The following SENP7 variants were observed in gnomAD, a reference collection of about 807,000 sequenced individuals.
SENP7 encodes sentrin-specific protease 7.
SENP7 carries 64 observed loss-of-function variants against 141.2 expected under a neutral mutation model. That is an observed-to-expected ratio of 0.45 (90% CI 0.37 to 0.56). The LOEUF (loss-of-function observed/expected upper bound fraction) is 0.56, where lower values mean the gene tolerates loss of function less well. SENP7 is among the 20% of genes least tolerant of loss of function. The pLI is 0.00. For synonymous variants in SENP7, 382 were observed against 426.4 expected, an observed-to-expected ratio of 0.90 and a Z score of 1.28; for missense variants, 1,025 against 1,212.2, an observed-to-expected ratio of 0.85 and a Z score of 2.29.
intron 2 of SENP7, 44 bp downstream of exon 2, chr3:101,501,026 A>C (rs574638424): frequency 1.6e-6 from 2 of 1,264,780 alleles, no homozygotes; most frequent in South Asian, 1.3e-5. Flanking sequence ...TTTCAATATC[A>C]GTAACTCCAA....
intron 4 of SENP7, among the ~76,000 whole-genome samples, chr3:101,429,183 T>C (rs1243126628): frequency 6.7e-6 from 1 of 149,574 alleles, no homozygotes; most frequent in Non-Finnish European, 1.5e-5. Flanking sequence ...GGCTCTTTTT[T>C]GGTTCCATAC....
Position 101,340,357 on chromosome 3 carries a change from A to G in SENP7, c.2241-146T>C, listed in dbSNP as rs905341984. On this transcript the variant is annotated intron_variant, in intron 15 of 23. Transcript: ENST00000394095. ...AACATTTGACCAGGCATAAATAATG[A>G]TATTTTCCTTCCTTTATCCTCACAA... is the stretch of plus-strand genomic sequence containing the variant. 48 of 999,946 alleles carry G rather than the reference A, an allele frequency of 4.8e-5. No individual in the cohort carries two copies. In the African/African-American group the frequency reaches 7.8e-4, roughly 16 times the overall value. The allele number at this position is 999,946 out of a possible 1,614,324, so 61.9% of individuals were successfully genotyped here. A position where few individuals can be genotyped will look rare whatever the true frequency, so the allele number is the denominator to read the frequency against.
intron 16 of SENP7, among the ~76,000 whole-genome samples, 175 bp downstream of exon 16, chr3:101,339,920 A>T (rs1355384678): frequency 1.3e-5 from 2 of 152,228 alleles, no homozygotes; most frequent in Non-Finnish European, 2.9e-5. Flanking sequence ...TAAGTAAAGC[A>T]ATGAAACTGA....
chr3:101,398,749 T>C (rs2061044882), intron 6 of SENP7, 112 bp downstream of exon 6: 4 of 761,444 alleles, frequency 5.3e-6, no homozygotes, highest in Non-Finnish European at 7.9e-6. Flanking sequence ...TAATACCAGC[T>C]ATCAGAGCAC....
chr3:101,357,848 ATG>A (rs2059784783), intron 11 of SENP7: 2 of 563,288 alleles, frequency 3.6e-6, no homozygotes, highest in Non-Finnish European at 6.6e-6. Flanking sequence ...AACGCTACAG[ATG>A]TGAAGAATCT....
chr3:101,345,568 T>G (rs1327945421), intron 13 of SENP7, among the ~76,000 whole-genome samples: 1 of 152,228 alleles, frequency 6.6e-6, no homozygotes, highest in Non-Finnish European at 1.5e-5. Context: ...GCAGAGCTAC[T>G]GATTTGTGTA....
chr3:101,506,106 C>T (rs998320693), intron 1 of SENP7, among the ~76,000 whole-genome samples: 16 of 151,176 alleles, frequency 1.1e-4, no homozygotes, highest in Non-Finnish European at 2.1e-4. Flanking sequence ...CTGCAACCTC[C>T]ACCTCCCAGG....
rs112395484 is a variant in SENP7 at position 101,493,893 on chromosome 3, G to A, written c.166C>T (p.Arg56Cys). 21 of 1,603,714 alleles carry A rather than the reference G, an allele frequency of 1.3e-5. No individual in the cohort carries two copies. Among genetic ancestry groups the A allele is most frequent in the African/African-American group, 8.0e-5 (6 of 74,864 alleles). Residue 56 changes from arginine (R) to cysteine (C), a missense_variant, in exon 3 of 24, where the codon CGC becomes TGC. Coordinates refer to ENST00000394095, the MANE Select transcript of SENP7 (RefSeq NM_020654.5). Reference sequence around the variant, plus strand: ...ACCACCTGCAAAGGGAGAGTCCAGCGTTCTGAGCTTCTGAATTTGGACAGT... The same window carrying A: ...ACCACCTGCAAAGGGAGAGTCCAGCATTCTGAGCTTCTGAATTTGGACAGT... ...SPLSKFRSSE[R>C]WTLPLQWERS... is the part of the protein sequence containing the mutation.
At chr3:101,353,938 T>TTTA (rs1016772644) in intron 11 of SENP7, among the ~76,000 whole-genome samples, 1 of 152,028 alleles carries the variant, frequency 6.6e-6, no homozygotes, top group Non-Finnish European at 1.5e-5. Flanking sequence ...AATTCTCTAA[T>TTTA]ATCTTTACCC....
At chr3:101,458,736 C>T (rs936222424) in intron 4 of SENP7, 7 of 383,518 alleles carry the variant, frequency 1.8e-5, no homozygotes, top group East Asian at 1.3e-4. Flanking sequence ...GCATTATCAG[C>T]GAAAGCTTAT....
chr3:101,370,511 A>G (rs1403497143), intron 7 of SENP7, among the ~76,000 whole-genome samples: 1 of 152,212 alleles, frequency 6.6e-6, no homozygotes, highest in Non-Finnish European at 1.5e-5. Flanking sequence ...TCTCCTGTAT[A>G]GTTTAAATAA....
intron 6 of SENP7, among the ~76,000 whole-genome samples, chr3:101,390,219 CA>C (rs563281627): frequency 0.037 from 2,715 of 73,826 alleles, 17 homozygotes; most frequent in Middle Eastern, 0.053. Context: ...GACTCTGTCT[CA>C]AAAAAAAAAA....
intron 4 of SENP7, among the ~76,000 whole-genome samples, chr3:101,447,454 T>C (rs2062939662): frequency 6.6e-6 from 1 of 151,766 alleles, no homozygotes; most frequent in South Asian, 2.1e-4. Context: ...AAAAAATAAA[T>C]AAATACAAAT....
Position 101,438,982 on chromosome 3 carries a change from C to T in SENP7, c.284+19973G>A, listed in dbSNP as rs527402338. Among the ~76,000 whole-genome samples the T allele has an allele frequency of 1.7e-4, 24 of 138,624 alleles. 1 individual carries two copies. Among genetic ancestry groups the T allele is most frequent in the Non-Finnish European group, 3.7e-4 (23 of 62,562 alleles). 90.9% of individuals were successfully genotyped at this position (138,624 alleles called of 152,430 possible). On this transcript the variant is annotated intron_variant, in intron 4 of 23. Coordinates refer to ENST00000394095, the MANE Select transcript of SENP7 (RefSeq NM_020654.5). ...GTCTGGGAAGTGAGGAGTGTCTCTG[C>T]CTGGCTGCCCATCGTCTGGGATGTG...
At chr3:101,463,378 T>C (rs4640535) in intron 3 of SENP7, among the ~76,000 whole-genome samples, 13 of 84,406 alleles carry the variant, frequency 1.5e-4, no homozygotes, top group Admixed American at 3.8e-4. Context: ...TATATATATA[T>C]ATATATATAT....
rs541028530 is a variant in SENP7, at chr3:101,414,317, G to A, written c.482+3276C>T. 3.7e-4 allele frequency: 277 copies of A among 748,970 alleles called. 2 individuals carry two copies. The South Asian group carries it at 4.0e-3, about 11-fold the overall frequency. The allele number at this position is 748,970 out of a possible 1,614,324, so 46.4% of individuals were successfully genotyped here. ...CGGAAGATGCAGGGTCTCATGTTCC[G>A]GTGCAGCACCAGCTGCTGTGAGGAC... On this transcript the variant is annotated intron_variant, in intron 5 of 23. Transcript: ENST00000394095.
chr3:101,432,262 C>A (rs1176755171), intron 4 of SENP7, among the ~76,000 whole-genome samples: 1 of 152,180 alleles, frequency 6.6e-6, no homozygotes, highest in Non-Finnish European at 1.5e-5. Flanking sequence ...AGTGCCAGCT[C>A]AACCATAATA....
intron 4 of SENP7, among the ~76,000 whole-genome samples, chr3:101,432,016 A>G (rs1261800615): frequency 1.3e-5 from 2 of 152,148 alleles, no homozygotes; most frequent in Non-Finnish European, 2.9e-5. Context: ...ACGTGACCCT[A>G]TGATGGCACT....
Position 101,348,166 on chromosome 3 carries a change from T to C in SENP7, c.1658-115A>G. 8 of 647,344 alleles carry C rather than the reference T, an allele frequency of 1.2e-5. No homozygotes were observed. The South Asian group carries it at 2.2e-4, about 18-fold the overall frequency. 40.1% of individuals were successfully genotyped at this position (647,344 alleles called of 1,614,324 possible). A position where few individuals can be genotyped will look rare whatever the true frequency, so the allele number is the denominator to read the frequency against. On this transcript the variant is annotated intron_variant, in intron 12 of 23. Coordinates refer to ENST00000394095, the MANE Select transcript of SENP7 (RefSeq NM_020654.5). ...TTTTTTTAAAAAAAAGAGAATTATA[T>C]AGTTTTTTCAAAAATATATTTCCAG...
Sources: gnomAD v4.1 joint callset for allele counts (sites outside exome capture counted in the v4.1 genomes callset) on GRCh38, gnomAD v4.1.1 for gene constraint, MANE v1.5 for transcripts, NCBI Gene and HGNC (gene_info 2026-07-23, HGNC 2026-07-21) for gene names.